Variants in RPS6KA2 observed in about 807,000 individuals in gnomAD.
The protein encoded by RPS6KA2 is ribosomal protein S6 kinase alpha-2.
RPS6KA2 carries 42 observed loss-of-function variants against 91.8 expected under a neutral mutation model. The observed-to-expected ratio is 0.46, with a 90% CI of 0.36 to 0.59. The LOEUF (loss-of-function observed/expected upper bound fraction) is 0.59. Ranked by LOEUF, RPS6KA2 falls within the 20% of genes least tolerant of loss-of-function variation. The pLI is 0.00. For synonymous variants in RPS6KA2, 414 were observed against 393.6 expected (o/e 1.05, Z -0.61); for missense variants, 798 against 978.5 (o/e 0.82, Z 2.46).
intron 2 of RPS6KA2, among the ~76,000 whole-genome samples, chr6:166,839,277 T>C (rs963292594): frequency 1.3e-5 from 2 of 152,176 alleles, no homozygotes; most frequent in Admixed American, 6.5e-5. Context: ...TCCTGCATTG[T>C]TCCGTGAATT....
chr6:166,648,568 A>G lies in RPS6KA2; in HGVS notation c.124-109784T>C, dbSNP rs561678048. 1.3e-5 allele frequency among the ~76,000 whole-genome samples: 2 copies of G among 152,286 alleles called. No homozygotes were observed. The highest frequency in any genetic ancestry group is 3.9e-4 in the East Asian group (2 of 5,184). On this transcript the variant is annotated intron_variant, in intron 2 of 21. Coordinates refer to the RPS6KA2 transcript ENST00000503859. The surrounding 1 kb of genome is among the most constrained non-coding windows in gnomAD (Gnocchi z 4.8). ...GGATTGAACACGTGAGTGAGTTCGT[A>G]TATTCCTGAATGACTCGCCATTTTA...
intron 2 of RPS6KA2, among the ~76,000 whole-genome samples, chr6:166,695,917 C>G (rs1462093399): frequency 6.6e-6 from 1 of 152,176 alleles, no homozygotes; most frequent in East Asian, 1.9e-4. Flanking sequence ...GCACTAGATT[C>G]TCATAGGAGC....
intron 14 of RPS6KA2, among the ~76,000 whole-genome samples, chr6:166,439,524 A>G (rs1012735190): frequency 6.6e-6 from 1 of 152,194 alleles, no homozygotes; most frequent in Non-Finnish European, 1.5e-5. Context: ...CATGTGCCCG[A>G]CTTTGTTGAG....
At chr6:166,525,958 C>G (rs947647269) in intron 3 of RPS6KA2, among the ~76,000 whole-genome samples, 2 of 152,192 alleles carry the variant, frequency 1.3e-5, no homozygotes, top group African/African-American at 2.4e-5. Context: ...TGAGTCAACT[C>G]TCTTCTTTCA....
intron 1 of RPS6KA2, among the ~76,000 whole-genome samples, chr6:166,577,567 A>G (rs1341733578): frequency 6.6e-6 from 1 of 152,180 alleles, no homozygotes; most frequent in Non-Finnish European, 1.5e-5. Context: ...CATGGGCCCT[A>G]TAACCCCTTT....
At chr6:166,730,037 T>G (rs1336493123) in intron 2 of RPS6KA2, among the ~76,000 whole-genome samples, 1 of 152,244 alleles carries the variant, frequency 6.6e-6, no homozygotes, top group Non-Finnish European at 1.5e-5. Context: ...CTGTGTTGCC[T>G]TTATTAGATT....
intron 1 of RPS6KA2, among the ~76,000 whole-genome samples, chr6:166,581,556 C>T (rs1037585464): frequency 1.3e-5 from 2 of 152,146 alleles, no homozygotes; most frequent in African/African-American, 4.8e-5. Context: ...TTGAGGCCAC[C>T]GAGAGGCCGG....
chr6:166,426,815 T>G (rs1363167016), intron 16 of RPS6KA2, among the ~76,000 whole-genome samples: 2 of 139,042 alleles, frequency 1.4e-5, no homozygotes, highest in Non-Finnish European at 3.1e-5. Context: ...AATCAACAGC[T>G]TACCAACCAA....
Position 166,612,429 on chromosome 6 carries a change from C to G in RPS6KA2, c.99+14492G>C, listed in dbSNP as rs1279947826. On this transcript the variant is annotated intron_variant, in intron 1 of 20. Transcript: ENST00000265678. This position sits in a 1 kb window ranked among gnomAD's most constrained non-coding sequence, Gnocchi z 4.3. ...AAAGATGGCATGCACCCCTGGGTCA[C>G]CTGGCAAAGCTATAACACACGGTGG... is the stretch of plus-strand genomic sequence containing the variant. Among the ~76,000 whole-genome samples the G allele has an allele frequency of 1.3e-5, 2 of 152,174 alleles. No individual in the cohort carries two copies. Among genetic ancestry groups the G allele is most frequent in the Non-Finnish European group, 2.9e-5 (2 of 68,028 alleles).
intron 17 of RPS6KA2, among the ~76,000 whole-genome samples, chr6:166,420,244 G>A (rs961045605): frequency 2.0e-5 from 3 of 152,102 alleles, no homozygotes; most frequent in Non-Finnish European, 2.9e-5. Flanking sequence ...TTTCTGTTAC[G>A]GTAAAATATG....
chr6:166,657,134 G>A (rs1018062001), intron 2 of RPS6KA2, among the ~76,000 whole-genome samples: 1 of 152,140 alleles, frequency 6.6e-6, no homozygotes, highest in Non-Finnish European at 1.5e-5. Context: ...CTGGCGCCAG[G>A]TCCCAGGAGC....
chr6:166,744,032 C>G (rs1790902914), intron 2 of RPS6KA2, among the ~76,000 whole-genome samples: 1 of 152,140 alleles, frequency 6.6e-6, no homozygotes, highest in East Asian at 1.9e-4. Context: ...TGCTGGGGCC[C>G]TGAGCCATCC....
intron 2 of RPS6KA2, among the ~76,000 whole-genome samples, chr6:166,850,032 G>A (rs922934236): frequency 3.2e-4 from 49 of 152,324 alleles, no homozygotes; most frequent in African/African-American, 6.0e-4. Context: ...GAGCGGAGGC[G>A]TTTCCTTCTT....
At chr6:166,714,683 A>G (rs1789961812) in intron 2 of RPS6KA2, among the ~76,000 whole-genome samples, 1 of 152,204 alleles carries the variant, frequency 6.6e-6, no homozygotes, top group Admixed American at 6.5e-5. Context: ...CACCAGAAGC[A>G]AAGAGAAGGG....
intron 1 of RPS6KA2, among the ~76,000 whole-genome samples, chr6:166,578,739 T>TG (rs1662647808): frequency 6.6e-6 from 1 of 152,214 alleles, no homozygotes; most frequent in African/African-American, 2.4e-5. Flanking sequence ...CCAGGATCAC[T>TG]GTGCTGGAGC....
intron 1 of RPS6KA2, among the ~76,000 whole-genome samples, chr6:166,571,909 T>C (rs1044408415): frequency 7.9e-5 from 12 of 152,186 alleles, no homozygotes; most frequent in African/African-American, 2.9e-4. Flanking sequence ...AATACTTCTG[T>C]GTAAACGTGC....
intron 1 of RPS6KA2, chr6:166,586,262 C>A: frequency 5.0e-6 from 8 of 1,596,938 alleles, no homozygotes; most frequent in Non-Finnish European, 5.9e-6. Context: ...CACTTGGCCA[C>A]CCCCATCTGT....
intron 1 of RPS6KA2, among the ~76,000 whole-genome samples, chr6:166,551,479 C>T (rs1319627616): frequency 1.3e-5 from 2 of 152,074 alleles, no homozygotes; most frequent in Non-Finnish European, 2.9e-5. Flanking sequence ...GAATGGAAGC[C>T]CTACGAAAAA....
In RPS6KA2 at chr6:166,770,958, C is replaced by G. The variant is rs774794921; in HGVS notation, c.123+87242G>C. 4.6e-5 allele frequency: 73 copies of G among 1,569,972 alleles called. No individual in the cohort carries two copies. The highest frequency in any genetic ancestry group is 6.2e-5 in the Non-Finnish European group (72 of 1,161,328). ...GAAAGAATTCCTTTAAGTCACAGGA[C>G]GTATTTACAGTCAGCAACTTCATTA... On this transcript the variant is annotated intron_variant, in intron 2 of 21. Transcript: ENST00000503859. This position sits in a 1 kb window ranked among gnomAD's most constrained non-coding sequence, Gnocchi z 5.1.
Sources: gnomAD v4.1 joint callset for allele counts (sites outside exome capture counted in the v4.1 genomes callset) on GRCh38, gnomAD v4.1.1 for gene constraint, Gnocchi (gnomAD v3.1) non-coding constraint, MANE v1.5 for transcripts, NCBI Gene and HGNC (gene_info 2026-07-23, HGNC 2026-07-21) for gene names.